ZC4H2: variants seen among roughly 807,000 people sequenced by gnomAD.
The protein encoded by ZC4H2 is zinc finger C4H2-type containing, also known as zinc finger C4H2 domain-containing protein.
For synonymous variants in ZC4H2, 84 were observed against 66.3 expected (o/e 1.27, Z -1.30); for missense variants, 137 against 173.9 (o/e 0.79, Z 1.19).
chrX:64,943,595 T>A (rs1457763872), intron 1 of ZC4H2, among the ~76,000 whole-genome samples: 1 of 111,146 alleles, frequency 9.0e-6, no homozygotes, highest in Non-Finnish European at 1.9e-5. Context: ...ATATCCTTCG[T>A]CTTTCTTGAT....
intron 1 of ZC4H2, 108 bp from the exon 2 acceptor site, chrX:64,922,096 G>T: frequency 8.9e-7 from 1 of 1,118,478 alleles, no homozygotes; most frequent in Non-Finnish European, 1.2e-6. Context: ...CCCTCTCCAG[G>T]CAGAGCCAAC....
intron 1 of ZC4H2, among the ~76,000 whole-genome samples, chrX:65,027,453 A>T (rs2147296108): frequency 9.0e-6 from 1 of 111,704 alleles, no homozygotes; most frequent in African/African-American, 3.2e-5. Flanking sequence ...GGAAATAAAT[A>T]AATTAAGGCA....
intron 1 of ZC4H2, among the ~76,000 whole-genome samples, chrX:65,009,126 AT>A (rs944775748): frequency 6.3e-5 from 7 of 111,664 alleles, no homozygotes; most frequent in African/African-American, 2.3e-4. Context: ...ACAATATTTT[AT>A]TTTTTTATAA....
chrX:64,931,203 A>G (rs771466901), intron 1 of ZC4H2, among the ~76,000 whole-genome samples: 4 of 111,517 alleles, frequency 3.6e-5, no homozygotes, highest in Admixed American at 9.6e-5. Flanking sequence ...ATCAGTTGTA[A>G]TATCTCCAGT....
intron 2 of ZC4H2, among the ~76,000 whole-genome samples, chrX:64,920,586 C>A (rs758804593): frequency 8.9e-6 from 1 of 112,249 alleles, no homozygotes; most frequent in African/African-American, 3.2e-5. Flanking sequence ...TCCTTCAGAG[C>A]TCATTTAGTC....
At chrX:65,021,086 A>T (rs755612056) in intron 1 of ZC4H2, among the ~76,000 whole-genome samples, 1 of 110,712 alleles carries the variant, frequency 9.0e-6, no homozygotes, top group Non-Finnish European at 1.9e-5. Flanking sequence ...GGGAGATTTT[A>T]ACACCCCACT....
chrX:65,000,603 G>A (rs1305805275), intron 1 of ZC4H2, among the ~76,000 whole-genome samples: 1 of 112,038 alleles, frequency 8.9e-6, no homozygotes, highest in African/African-American at 3.2e-5. Context: ...ACTGAGAGAA[G>A]TAGGCTTCAG....
At chrX:64,928,682 T>TTCTTCC (rs1331300174) in intron 1 of ZC4H2, among the ~76,000 whole-genome samples, 12 of 91,965 alleles carry the variant, frequency 1.3e-4, no homozygotes, top group East Asian at 1.1e-3. Context: ...CTTCTTCTTC[T>TTCTTCC]TCCTCCTCCT....
At chrX:64,980,577 A>C (rs1932062415), upstream of ZC4H2, among the ~76,000 whole-genome samples, 1 of 112,313 alleles carries the variant, frequency 8.9e-6, no homozygotes, top group Admixed American at 9.4e-5. Context: ...GGTTCCAGGG[A>C]TATATAGTGC....
intron 1 of ZC4H2, among the ~76,000 whole-genome samples, chrX:64,969,219 A>G (rs763252831): frequency 8.9e-6 from 1 of 112,266 alleles, no homozygotes; most frequent in Admixed American, 9.4e-5. Flanking sequence ...AGCCAAGACT[A>G]TAAAACATTC....
At chrX:64,965,715 C>A (rs757553509) in intron 1 of ZC4H2, among the ~76,000 whole-genome samples, 1 of 110,168 alleles carries the variant, frequency 9.1e-6, no homozygotes, top group African/African-American at 3.3e-5. Context: ...GCGGGAGGAT[C>A]GCTTGAGCCC....
At chrX:65,018,845 G>T (rs1381852620) in intron 1 of ZC4H2, among the ~76,000 whole-genome samples, 1 of 111,353 alleles carries the variant, frequency 9.0e-6, no homozygotes, top group African/African-American at 3.3e-5. Context: ...CAAGCTTGGT[G>T]GGGGGAGGGG....
chrX:65,009,935 C>T (rs1360841528), intron 1 of ZC4H2, among the ~76,000 whole-genome samples: 1 of 112,029 alleles, frequency 8.9e-6, no homozygotes, highest in Non-Finnish European at 1.9e-5. Context: ...CTCCAGAGTT[C>T]CTGACACTAC....
rs750307458 is a variant in ZC4H2 at position 64,951,100 on chromosome X, T to C, written c.53+25225A>G. Among the ~76,000 whole-genome samples the C allele has an allele frequency of 7.0e-4, 78 of 111,640 alleles. No homozygotes were observed. The East Asian group carries it at 0.018, about 25-fold the overall frequency. On this transcript the variant is annotated intron_variant, in intron 1 of 4. Coordinates refer to ENST00000374839, the MANE Select transcript of ZC4H2 (RefSeq NM_018684.4). The stretch of plus-strand genomic sequence containing the variant: ...CGATAGTTTACTGAGAATGATGATT[T>C]CCAATTTCATCCATGTCCCTACAAA...
intron 1 of ZC4H2, among the ~76,000 whole-genome samples, chrX:64,966,142 T>C (rs1028630575): frequency 9.0e-6 from 1 of 110,958 alleles, no homozygotes; most frequent in African/African-American, 3.3e-5. Context: ...AACAAAAGGT[T>C]TGAATAAACA....
At chrX:64,931,952 T>C (rs1929772164) in intron 1 of ZC4H2, among the ~76,000 whole-genome samples, 1 of 112,020 alleles carries the variant, frequency 8.9e-6, no homozygotes, top group African/African-American at 3.2e-5. Flanking sequence ...AAGTATAGTA[T>C]TGAAGTCCTC....
chrX:65,033,551 T>C (rs1371441398), intron 1 of ZC4H2, among the ~76,000 whole-genome samples: 1 of 111,221 alleles, frequency 9.0e-6, no homozygotes, highest in Non-Finnish European at 1.9e-5. Flanking sequence ...GCTAGAAAAA[T>C]AGAGGCAAGA....
chrX:65,021,921 T>C (rs1448657795), intron 1 of ZC4H2, among the ~76,000 whole-genome samples: 1 of 111,554 alleles, frequency 9.0e-6, no homozygotes, highest in Non-Finnish European at 1.9e-5. Flanking sequence ...AACTAGAACA[T>C]CTAGAAGAAA....
At chrX:64,933,803 A>G (rs1929863975) in intron 1 of ZC4H2, among the ~76,000 whole-genome samples, 1 of 111,028 alleles carries the variant, frequency 9.0e-6, no homozygotes, top group Non-Finnish European at 1.9e-5. Context: ...ATTTTCCCCC[A>G]TTTTTATACT....
Sources: allele counts gnomAD v4.1 joint callset (sites outside exome capture counted in the v4.1 genomes callset), GRCh38; gene constraint gnomAD v4.1.1; transcripts MANE v1.5; gene names NCBI Gene and HGNC (gene_info 2026-07-23, HGNC 2026-07-21).